GRM5: variants seen among roughly 807,000 people sequenced by gnomAD.
GRM5 encodes the protein glutamate metabotropic receptor 5, also known as metabotropic glutamate receptor 5.
Under a neutral mutation model 83.1 loss-of-function variants are expected in GRM5, and 19 were observed. The observed-to-expected ratio is 0.23, with a 90% CI of 0.16 to 0.34. The LOEUF is 0.34. GRM5 is among the 10% of genes least tolerant of loss of function. GRM5 has a pLI of 1.00. For missense variants in GRM5, 1,160 were observed against 1,588.3 expected (o/e 0.73, Z 4.58); for synonymous variants, 675 against 633.6 (o/e 1.07, Z -0.98).
At chr11:88,689,108 C>T (rs901991929) in intron 3 of GRM5, among the ~76,000 whole-genome samples, 1 of 152,092 alleles carries the variant, frequency 6.6e-6, no homozygotes, top group Non-Finnish European at 1.5e-5. Flanking sequence ...ATACTGCTAA[C>T]TGTGATACTA....
At chr11:88,740,271 A>G (rs1941999893) in intron 3 of GRM5, among the ~76,000 whole-genome samples, 2 of 151,916 alleles carry the variant, frequency 1.3e-5, no homozygotes, top group Admixed American at 1.3e-4. Flanking sequence ...CTTTTTCTAT[A>G]CTCACTAATT....
At chr11:88,846,363 C>A (rs1944303674) in intron 3 of GRM5, among the ~76,000 whole-genome samples, 1 of 152,166 alleles carries the variant, frequency 6.6e-6, no homozygotes, top group Non-Finnish European at 1.5e-5. Context: ...GCTGTCAGAG[C>A]CAAAGTGTTT....
At chr11:89,013,924 A>G (rs1317261181) in intron 2 of GRM5, among the ~76,000 whole-genome samples, 1 of 152,198 alleles carries the variant, frequency 6.6e-6, no homozygotes, top group Admixed American at 6.5e-5. Flanking sequence ...TTATTCATGT[A>G]GCCTCCCACT....
At position 88,820,392 on chromosome 11, in the gene GRM5, A is replaced by AAAAAAAAAG. The variant is rs1170201961; in HGVS notation, c.911+29513_911+29514insCTTTTTTTT. Among the ~76,000 whole-genome samples, 90 of 149,216 alleles carry AAAAAAAAAG rather than the reference A, an allele frequency of 6.0e-4. 1 individual carries two copies. Among genetic ancestry groups the AAAAAAAAAG allele is most frequent in the African/African-American group, 2.2e-3 (87 of 39,084 alleles). On this transcript the variant is annotated intron_variant, in intron 3 of 9. Coordinates refer to ENST00000305447, the MANE Select transcript of GRM5 (RefSeq NM_001143831.3). ...TCCATCTCAAAAAAAAAAAAAAAAA[A>AAAAAAAAAG]AGCCAATATAATCAGTAATATCAGT... is the stretch of plus-strand genomic sequence containing the variant.
At chr11:88,873,794 T>C (rs530947426) in intron 2 of GRM5, among the ~76,000 whole-genome samples, 105 of 151,776 alleles carry the variant, frequency 6.9e-4, no homozygotes, top group African/African-American at 2.5e-3. Flanking sequence ...AAAAGTTGCA[T>C]TTCTAAAACC....
At chr11:88,964,301 T>C (rs1938878185) in intron 2 of GRM5, among the ~76,000 whole-genome samples, 1 of 152,088 alleles carries the variant, frequency 6.6e-6, no homozygotes, top group East Asian at 1.9e-4. Context: ...CATATTATTT[T>C]AGATGACTCA....
At chr11:88,944,468 T>C (rs1446124640) in intron 2 of GRM5, among the ~76,000 whole-genome samples, 1 of 151,972 alleles carries the variant, frequency 6.6e-6, no homozygotes, top group African/African-American at 2.4e-5. Context: ...GCCAAGCTAA[T>C]AACATATCCA....
chr11:88,716,674 T>C (rs2135389848), intron 3 of GRM5, among the ~76,000 whole-genome samples: 1 of 152,110 alleles, frequency 6.6e-6, no homozygotes, highest in African/African-American at 2.4e-5. Flanking sequence ...TGTTAAACCA[T>C]TTAATGCTTA....
At chr11:88,903,945 TA>T (rs1383486278) in intron 2 of GRM5, among the ~76,000 whole-genome samples, 2 of 152,176 alleles carry the variant, frequency 1.3e-5, no homozygotes, top group Non-Finnish European at 2.9e-5. Context: ...GTAAAAACTA[TA>T]GATTTCATGC....
At chr11:88,982,161 T>C (rs1939545724) in intron 2 of GRM5, among the ~76,000 whole-genome samples, 1 of 152,230 alleles carries the variant, frequency 6.6e-6, no homozygotes, top group Non-Finnish European at 1.5e-5. Flanking sequence ...ATTCAACAGA[T>C]GATCAGCTGG....
chr11:88,846,447 T>C (rs1263853565), intron 3 of GRM5, among the ~76,000 whole-genome samples: 1 of 152,190 alleles, frequency 6.6e-6, no homozygotes, highest in Admixed American at 6.5e-5. Flanking sequence ...ACAGCTCAAA[T>C]GGAAAGACCT....
At chr11:88,942,436 G>C (rs998445032) in intron 2 of GRM5, among the ~76,000 whole-genome samples, 2 of 151,950 alleles carry the variant, frequency 1.3e-5, no homozygotes, top group Admixed American at 1.3e-4. Context: ...AATTTGACGA[G>C]TCTCATTCAT....
chr11:88,941,892 T>C (rs1938126465), intron 2 of GRM5, among the ~76,000 whole-genome samples: 1 of 152,022 alleles, frequency 6.6e-6, no homozygotes, highest in Admixed American at 6.6e-5. Flanking sequence ...GGCCTTTCTA[T>C]ACTATAAGAT....
intron 4 of GRM5, among the ~76,000 whole-genome samples, chr11:88,615,226 A>G (rs1349858249): frequency 3.9e-5 from 6 of 152,160 alleles, no homozygotes; most frequent in South Asian, 4.1e-4. Context: ...CTAATCACCC[A>G]GAGACCCAAG....
At chr11:88,613,042 T>G (rs1365493783) in intron 4 of GRM5, 1 of 152,182 alleles carries the variant, frequency 6.6e-6, no homozygotes, top group Non-Finnish European at 1.5e-5. Context: ...TAATTTGTAT[T>G]GTGCTGTGGT....
intron 3 of GRM5, among the ~76,000 whole-genome samples, chr11:88,788,465 C>T (rs1943114167): frequency 6.6e-6 from 1 of 152,056 alleles, no homozygotes; most frequent in African/African-American, 2.4e-5. Context: ...TTTTTATGAA[C>T]AAGCAGATCA....
At chr11:88,557,203 G>A (rs888668876) in intron 8 of GRM5, among the ~76,000 whole-genome samples, 6 of 152,070 alleles carry the variant, frequency 3.9e-5, no homozygotes, top group South Asian at 2.1e-4. Flanking sequence ...GTGGATAGGC[G>A]ATGATAGTTT....
intron 2 of GRM5, among the ~76,000 whole-genome samples, chr11:89,024,521 A>C (rs773349766): frequency 5.3e-5 from 8 of 152,224 alleles, no homozygotes; most frequent in Non-Finnish European, 8.8e-5. Flanking sequence ...GTAAGTTTTC[A>C]ATTGAGGTAG....
Position 88,604,766 on chromosome 11 carries a change from A to G in GRM5, c.1346T>C (p.Val449Ala). The change falls in exon 5 of 10, where the codon GTT becomes GCT. Residue 449 changes from valine (V) to alanine (A), a missense_variant. This residue lies in a region of GRM5 where 132 missense variants were observed against 197.6 expected (regional missense o/e 0.67). Coordinates refer to ENST00000305447, the MANE Select transcript of GRM5 (RefSeq NM_001143831.3). Reference protein sequence around the residue: ...ESLMKTNFTGVSGDTILFDEN... With the variant: ...ESLMKTNFTGASGDTILFDEN... The stretch of plus-strand genomic sequence containing the variant: ...ATCGAATAGGATCGTATCTCCAGAA[A>G]CCCCAGTAAAATTGGTTTTCATCAG... 6.2e-7 allele frequency: 1 copy of G among 1,612,524 alleles called. No individual in the cohort carries two copies. Among genetic ancestry groups the G allele is most frequent in the Non-Finnish European group, 8.5e-7 (1 of 1,178,652 alleles).
Sources: gnomAD v4.1 joint callset for allele counts (sites outside exome capture counted in the v4.1 genomes callset) on GRCh38, gnomAD v4.1.1 for gene constraint, gnomAD v4.1.1 regional missense constraint, MANE v1.5 for transcripts, NCBI Gene and HGNC (gene_info 2026-07-23, HGNC 2026-07-21) for gene names.